The following AKR1C3 variants were observed in gnomAD, a reference collection of about 807,000 sequenced individuals.
The protein encoded by AKR1C3 is 3-alpha hydroxysteroid dehydrogenase, type II.
Under a neutral mutation model 43.6 loss-of-function variants are expected in AKR1C3, and 48 were observed. The observed-to-expected ratio is 1.10, with a 90% CI of 0.87 to 1.40. The LOEUF is 1.40. Ranked by LOEUF, AKR1C3 falls within the 40% of genes most tolerant of loss-of-function variation. AKR1C3 has a pLI of 0.00. For missense variants in AKR1C3, 482 were observed against 391.2 expected, an observed-to-expected ratio of 1.23 and a Z score of -1.96; for synonymous variants, 162 against 139.6, an observed-to-expected ratio of 1.16 and a Z score of -1.13.
At chr10:5,051,186 T>C (rs1554778896) in intron 1 of AKR1C3, among the ~76,000 whole-genome samples, 7 of 152,126 alleles carry the variant, frequency 4.6e-5, no homozygotes. Flanking sequence ...ACCTCCGCCT[T>C]CTGTGTTCAA....
chr10:5,070,298 A>C (rs1588338688), intron 1 of AKR1C3, among the ~76,000 whole-genome samples: 1 of 152,098 alleles, frequency 6.6e-6, no homozygotes, highest in Admixed American at 6.6e-5. Flanking sequence ...GAGGGTGTCC[A>C]GGTTCTCAGC....
chr10:5,058,708 G>A (rs1026259853), intron 1 of AKR1C3, among the ~76,000 whole-genome samples: 11 of 152,124 alleles, frequency 7.2e-5, no homozygotes, highest in African/African-American at 1.9e-4. Flanking sequence ...GCTCACCGAC[G>A]CAGCAGCAGA....
chr10:5,105,247 T>C (rs587685033), intron 7 of AKR1C3: 95 of 175,860 alleles, frequency 5.4e-4, no homozygotes, highest in Middle Eastern at 2.3e-3. Context: ...TATTTAAAAA[T>C]TTGCCTCTAG....
At chr10:5,066,840 A>G (rs555752396) in intron 1 of AKR1C3, among the ~76,000 whole-genome samples, 2 of 152,296 alleles carry the variant, frequency 1.3e-5, no homozygotes, top group African/African-American at 4.8e-5. Flanking sequence ...AAAAGAATTT[A>G]AAGTCTGTTG....
intron 1 of AKR1C3, among the ~76,000 whole-genome samples, chr10:5,057,891 C>T (rs868940284): frequency 1.3e-5 from 2 of 152,224 alleles, no homozygotes. Flanking sequence ...AGCATGACAT[C>T]TCTCCAAGTG....
At chr10:5,083,804 T>C (rs7893682) in intron 1 of AKR1C3, among the ~76,000 whole-genome samples, 69,907 of 151,932 alleles carry the variant, frequency 0.46, 17,010 homozygotes, top group East Asian at 0.86. Context: ...ATTGTGGTTT[T>C]GATTTGTATT....
At chr10:5,054,199 G>T (rs1414375794) in intron 1 of AKR1C3, among the ~76,000 whole-genome samples, 2 of 152,226 alleles carry the variant, frequency 1.3e-5, no homozygotes, top group African/African-American at 2.4e-5. Flanking sequence ...GTTTTGGAGA[G>T]TCACTGCTGC....
intron 1 of AKR1C3, among the ~76,000 whole-genome samples, chr10:5,054,969 C>T (rs1480716473): frequency 1.3e-5 from 2 of 152,254 alleles, no homozygotes; most frequent in African/African-American, 4.8e-5. Flanking sequence ...AATGGGGGTT[C>T]CCCCAGAGGT....
At position 5,102,169 on chromosome 10, in the gene AKR1C3, G is replaced by C. The variant is rs782567995; in HGVS notation, c.639G>C (p.Leu213=). ...TCTGCAAGTCGAAAGATATTGTTCT[G>C]GTTGCCTATAGTGCTCTGGGATCTC... ...LDFCKSKDIV[L]VAYSALGSQR... is the part of the protein sequence containing the mutation. The change falls in exon 6 of 9, where the codon CTG becomes CTC. Residue 213 remains leucine (L), a synonymous_variant. Coordinates refer to ENST00000380554, the MANE Select transcript of AKR1C3 (RefSeq NM_003739.6). The C allele has an allele frequency of 7.4e-6, 12 of 1,613,888 alleles. No homozygotes were observed. Among genetic ancestry groups the C allele is most frequent in the Non-Finnish European group, 8.5e-7 (1 of 1,179,934 alleles).
At chr10:5,099,478 G>T (rs781800025) in intron 5 of AKR1C3, 29 bp downstream of exon 5, 4 of 1,613,866 alleles carry the variant, frequency 2.5e-6, no homozygotes, top group East Asian at 4.5e-5. Context: ...CTCTCCTTTC[G>T]GTTCTTCATG....
chr10:5,102,369 T>G lies in AKR1C3; in HGVS notation c.681-116T>G, dbSNP rs1554786181. 26 of 1,578,300 alleles carry G rather than the reference T, an allele frequency of 1.6e-5. 1 individual carries two copies. The highest frequency in any genetic ancestry group is 2.0e-5 in the Non-Finnish European group (23 of 1,157,238). On this transcript the variant is annotated intron_variant, in intron 6 of 8. Coordinates refer to ENST00000380554, the MANE Select transcript of AKR1C3 (RefSeq NM_003739.6). ...TCTTGGATGATGCTGATGGTGATGC[T>G]CGGGGGCCTCGCTTGAGAAGCTCCG...
In AKR1C3 at chr10:5,087,754, A is replaced by G. The variant is rs147033369; in HGVS notation, c.85-8656A>G. On this transcript the variant is annotated intron_variant, in intron 1 of 8. Transcript: ENST00000439082. ...AGCTAGCTGACTATCAATTTTGTTT[A>G]TCCTTTCAAAGAACCAAATTTTTGT... is the stretch of plus-strand genomic sequence containing the variant. 4.0e-5 allele frequency among the ~76,000 whole-genome samples: 6 copies of G among 150,964 alleles called. No individual in the cohort carries two copies. The East Asian group carries it at 9.7e-4, about 24-fold the overall frequency.
At chr10:5,080,862 G>A (rs1297347252) in intron 1 of AKR1C3, 5 of 152,252 alleles carry the variant, frequency 3.3e-5, no homozygotes, top group Non-Finnish European at 7.3e-5. Context: ...AGTTGCCACT[G>A]ACAAAGAGTT....
In AKR1C3 at chr10:5,067,415, G is replaced by A. The variant is rs2131798225; in HGVS notation, c.84+18520G>A. On this transcript the variant is annotated intron_variant, in intron 1 of 8. Transcript: ENST00000439082. ...AGTGTACAATTCCAAGAGTGTGGAG[G>A]GAACTTTCTCAGTTGTGAGATTATG... 2.0e-5 allele frequency among the ~76,000 whole-genome samples: 3 copies of A among 152,218 alleles called. No homozygotes were observed. In the South Asian group the frequency reaches 6.2e-4, roughly 32 times the overall value.
rs781805668 is a variant in AKR1C3, at chr10:5,097,508, C to T, written c.327C>T (p.Asp109=). Residue 109 remains aspartate (D), a synonymous_variant, in exon 3 of 9, where the codon GAC becomes GAT. Transcript: ENST00000380554. ...LENSLKKAQL[D]YVDLYLIHSP... ...ACTCACTGAAGAAAGCTCAATTGGA[C>T]TATGTTGACCTCTATCTTATTCATT... is the stretch of plus-strand genomic sequence containing the variant. 10 of 1,613,642 alleles carry T rather than the reference C, an allele frequency of 6.2e-6. No individual in the cohort carries two copies. The highest frequency in any genetic ancestry group is 8.5e-6 in the Non-Finnish European group (10 of 1,179,724).
chr10:5,083,657 A>T (rs1384600272), intron 1 of AKR1C3, among the ~76,000 whole-genome samples: 1 of 152,156 alleles, frequency 6.6e-6, no homozygotes, highest in African/African-American at 2.4e-5. Flanking sequence ...CGCCACACTG[A>T]CTTCCACAAT....
rs548215561 is a variant in AKR1C3 at position 5,068,528 on chromosome 10, C to T, written c.84+19633C>T. Among the ~76,000 whole-genome samples, 48 of 138,630 alleles carry T rather than the reference C, an allele frequency of 3.5e-4. 1 individual carries two copies. In the South Asian group the frequency reaches 9.6e-3, roughly 28 times the overall value. The allele number at this position is 138,630 out of a possible 152,430, so 90.9% of individuals were successfully genotyped here. A position where few individuals can be genotyped will look rare whatever the true frequency, so the allele number is the denominator to read the frequency against. On this transcript the variant is annotated intron_variant, in intron 1 of 8. Coordinates refer to the AKR1C3 transcript ENST00000439082. Reference sequence around the variant, plus strand: ...TTTTACCAAAAAAAAAAAAAAAACACATTTTACTATTCTTACACATCTTGC... The same window carrying T: ...TTTTACCAAAAAAAAAAAAAAAACATATTTTACTATTCTTACACATCTTGC...
At chr10:5,094,397 TGAG>T (rs781936500), upstream of AKR1C3, 8 of 1,602,622 alleles carry the variant, frequency 5.0e-6, no homozygotes, top group East Asian at 4.5e-5. Context: ...TTGTAATCTC[TGAG>T]GAGAAGCAGC....
chr10:5,103,474 CTCTAGTTAGAAAA>C (rs1213165368), intron 7 of AKR1C3, among the ~76,000 whole-genome samples: 1 of 152,102 alleles, frequency 6.6e-6, no homozygotes, highest in African/African-American at 2.4e-5. Context: ...ACTCAGGATT[CTCTAGTTAGAAAA>C]TTAGCATGGC....
Sources: allele counts gnomAD v4.1 joint callset (sites outside exome capture counted in the v4.1 genomes callset), GRCh38; gene constraint gnomAD v4.1.1; transcripts MANE v1.5; gene names NCBI Gene and HGNC (gene_info 2026-07-23, HGNC 2026-07-21).